Variants in ZNF423 observed in about 807,000 individuals in gnomAD.
The protein encoded by ZNF423 is Ebf-associated zinc finger protein.
A neutral mutation model predicts 95.8 loss-of-function variants in ZNF423; 12 were observed. That is an observed-to-expected ratio of 0.13 (90% CI 0.08 to 0.20). The LOEUF (loss-of-function observed/expected upper bound fraction) is 0.20. ZNF423 is among the 10% of genes least tolerant of loss of function. The probability of loss-of-function intolerance (pLI) is 1.00; values close to 1 mark genes in which losing one functional copy is unlikely to be tolerated. For synonymous variants in ZNF423, 749 were observed against 711.9 expected, an observed-to-expected ratio of 1.05 and a Z score of -0.83; for missense variants, 1,316 against 1,737.1, an observed-to-expected ratio of 0.76 and a Z score of 4.31.
intron 1 of ZNF423, among the ~76,000 whole-genome samples, chr16:49,839,922 C>T (rs1247158836): frequency 2.0e-5 from 3 of 152,220 alleles, no homozygotes; most frequent in East Asian, 1.9e-4. Context: ...CTTCTCTGCA[C>T]AGCCTCCCTG....
intron 2 of ZNF423, among the ~76,000 whole-genome samples, chr16:49,775,182 T>C (rs2034100893): frequency 6.6e-6 from 1 of 152,198 alleles, no homozygotes; most frequent in African/African-American, 2.4e-5. Flanking sequence ...TGTTTCTGCA[T>C]CGTGTGCCAA....
chr16:49,575,096 T>G lies in ZNF423; in HGVS notation c.3602-49602A>C, dbSNP rs1031647082. ...ACTGCCAGCCGGAACCAGGAGTCATTGCAGGAGCCACACTGCACCTTCGTA... is the reference window on the plus strand; with the variant it reads ...ACTGCCAGCCGGAACCAGGAGTCATGGCAGGAGCCACACTGCACCTTCGTA... On this transcript the variant is annotated intron_variant, in intron 5 of 7. Coordinates refer to ENST00000563137, the MANE Select transcript of ZNF423 (RefSeq NM_001379286.1). 5.3e-5 allele frequency among the ~76,000 whole-genome samples: 8 copies of G among 152,196 alleles called. No homozygotes were observed. The East Asian group carries it at 1.5e-3, about 29-fold the overall frequency.
At chr16:49,627,001 C>T (rs1325709218) in intron 4 of ZNF423, among the ~76,000 whole-genome samples, 1 of 53,292 alleles carries the variant, frequency 1.9e-5, no homozygotes, top group Non-Finnish European at 3.2e-5. Flanking sequence ...CTCCATCTAC[C>T]CATCCATCCA....
intron 3 of ZNF423, among the ~76,000 whole-genome samples, chr16:49,677,231 GAGAAGAGAAGAGAAGAT>G (rs2031096246): frequency 1.0e-4 from 1 of 9,850 alleles, no homozygotes; most frequent in African/African-American, 4.7e-4. Flanking sequence ...AACAAGAAAA[GAGAAGAGAAGAGAAGAT>G]AAGAGAAGAG....
chr16:49,638,871 C>T lies in ZNF423; in HGVS notation c.305G>A (p.Gly102Asp), dbSNP rs1567524925. 6.2e-7 allele frequency: 1 copy of T among 1,601,902 alleles called. No homozygotes were observed. The highest frequency in any genetic ancestry group is 2.2e-5 in the East Asian group (1 of 44,722). Reference protein sequence around the residue: ...DHRAHRCPGDGDDDPQLSWVA... With the variant: ...DHRAHRCPGDDDDDPQLSWVA... ...CCAGGAGAGTTGTGGGTCGTCATCA[C>T]CATCTGCAAGAGAAGGCAGAGAGGA... Residue 102 changes from glycine to aspartate, a missense_variant, in exon 4 of 8, where the codon GGT becomes GAT. By Grantham distance (94) the Gly-to-Asp change is moderately conservative. Transcript: ENST00000563137. The surrounding 1 kb of genome is among the most constrained non-coding windows in gnomAD (Gnocchi z 5.6).
intron 5 of ZNF423, among the ~76,000 whole-genome samples, chr16:49,540,540 C>A: frequency 6.6e-6 from 1 of 152,132 alleles, no homozygotes; most frequent in Non-Finnish European, 1.5e-5. Context: ...CTCGGCCTCC[C>A]CATGTGCTTG....
At chr16:49,856,435 A>C (rs2144146128), upstream of ZNF423, among the ~76,000 whole-genome samples, 1 of 149,036 alleles carries the variant, frequency 6.7e-6, no homozygotes, top group South Asian at 2.1e-4. Context: ...AGGAAAAAAA[A>C]AAAAAAGAAG....
At chr16:49,599,254 G>C (rs1296795260) in intron 5 of ZNF423, among the ~76,000 whole-genome samples, 5 of 152,160 alleles carry the variant, frequency 3.3e-5, no homozygotes, top group Non-Finnish European at 7.3e-5. Context: ...CAAAGAAAAA[G>C]GCTAGGTTAC....
intron 1 of ZNF423, among the ~76,000 whole-genome samples, chr16:49,832,356 T>C (rs571540702): frequency 2.9e-4 from 44 of 152,226 alleles, no homozygotes; most frequent in African/African-American, 9.4e-4. Context: ...CCCAGAGAGA[T>C]CTGCTGAGGA....
intron 7 of ZNF423, among the ~76,000 whole-genome samples, chr16:49,521,736 A>G (rs1290208416): frequency 6.6e-6 from 1 of 152,230 alleles, no homozygotes; most frequent in African/African-American, 2.4e-5. Context: ...AAGGATGAAA[A>G]GAAACAGGCT....
chr16:49,568,657 G>T (rs1377710731), intron 5 of ZNF423, among the ~76,000 whole-genome samples: 1 of 152,094 alleles, frequency 6.6e-6, no homozygotes, highest in African/African-American at 2.4e-5. Flanking sequence ...CTGAACAAAT[G>T]AATGAATGAA....
chr16:49,637,918 G>A lies in ZNF423; in HGVS notation c.1258C>T (p.Pro420Ser). 1 of 1,614,150 alleles carries A rather than the reference G, an allele frequency of 6.2e-7. No homozygotes were observed. The highest frequency in any genetic ancestry group is 1.3e-5 in the African/African-American group (1 of 75,048). The change falls in exon 4 of 8, where the codon CCC (proline) becomes TCC (serine). Residue 420 changes from proline to serine, a missense_variant. Coordinates refer to ENST00000563137, the MANE Select transcript of ZNF423 (RefSeq NM_001379286.1). The surrounding 1 kb of genome is among the most constrained non-coding windows in gnomAD (Gnocchi z 5.6). The stretch of plus-strand genomic sequence containing the variant: ...TTAAAGTCCCGCTTGGAACAATAGG[G>A]GCAGCTATAGACCACCTTGGTCCAG... ...QGWTKVVYSCPYCSKRDFNSL... is the reference protein window; with the variant it reads ...QGWTKVVYSCSYCSKRDFNSL...
chr16:49,799,314 G>A (rs146932198), intron 1 of ZNF423, among the ~76,000 whole-genome samples: 37 of 152,256 alleles, frequency 2.4e-4, no homozygotes, highest in African/African-American at 8.4e-4. Flanking sequence ...CCCTTCTCCC[G>A]CCAGGTTCCT....
At chr16:49,620,164 A>C (rs1013181293) in intron 5 of ZNF423, among the ~76,000 whole-genome samples, 23 of 142,762 alleles carry the variant, frequency 1.6e-4, no homozygotes, top group South Asian at 4.4e-4. Flanking sequence ...CACACACACC[A>C]CACACACACA....
At chr16:49,705,463 C>T (rs1454736753) in intron 3 of ZNF423, among the ~76,000 whole-genome samples, 1 of 152,194 alleles carries the variant, frequency 6.6e-6, no homozygotes, top group Admixed American at 6.5e-5. Flanking sequence ...GCCAAAATGA[C>T]TCTCTGGATC....
At chr16:49,500,151 AAC>A (rs1233437047) in intron 7 of ZNF423, among the ~76,000 whole-genome samples, 4 of 152,184 alleles carry the variant, frequency 2.6e-5, no homozygotes, top group Non-Finnish European at 4.4e-5. Flanking sequence ...CCTCCTCAGC[AAC>A]AGAGTCTATG....
At chr16:49,843,059 C>T (rs1431699567) in intron 1 of ZNF423, among the ~76,000 whole-genome samples, 4 of 152,002 alleles carry the variant, frequency 2.6e-5, no homozygotes, top group Admixed American at 6.6e-5. Flanking sequence ...CATTCATGCC[C>T]TATTATTGAA....
At position 49,636,438 on chromosome 16, in the gene ZNF423, C is replaced by T. The variant is rs777432098; in HGVS notation, c.2738G>A (p.Arg913Gln). Residue 913 changes from arginine (R) to glutamine (Q), a missense_variant, in exon 4 of 8, where the codon CGG (arginine) becomes CAG (glutamine). This residue lies in a region of ZNF423 where 620 missense variants were observed against 775.6 expected (regional missense o/e 0.80). Coordinates refer to ENST00000563137, the MANE Select transcript of ZNF423 (RefSeq NM_001379286.1). The surrounding 1 kb of genome is among the most constrained non-coding windows in gnomAD (Gnocchi z 8.6). ...YTMEVLLQNH[R>Q]LRDHNIRPGE... ...CGGCCGGATATTGTGGTCCCGCAGC[C>T]GGTGATTCTGCAGCAGCACCTCCAT... 1.1e-5 allele frequency: 18 copies of T among 1,613,346 alleles called. No homozygotes were observed. The highest frequency in any genetic ancestry group is 1.6e-4 in the Middle Eastern group (1 of 6,084).
At chr16:49,614,420 T>C (rs895215287) in intron 5 of ZNF423, among the ~76,000 whole-genome samples, 8 of 152,192 alleles carry the variant, frequency 5.3e-5, no homozygotes, top group African/African-American at 1.9e-4. Flanking sequence ...ATGCAAGTAC[T>C]ACAGACCTAG....
Sources: allele counts gnomAD v4.1 joint callset (sites outside exome capture counted in the v4.1 genomes callset), GRCh38; gene constraint gnomAD v4.1.1; regional missense constraint gnomAD v4.1.1; non-coding constraint Gnocchi (gnomAD v3.1); transcripts MANE v1.5; gene names NCBI Gene and HGNC (gene_info 2026-07-23, HGNC 2026-07-21).